Variants in PLG observed in about 807,000 individuals in gnomAD.
PLG encodes plasminogen.
In PLG, 41 loss-of-function variants were observed where a neutral mutation model predicts 104.4. The observed-to-expected ratio is 0.39, with a 90% CI of 0.31 to 0.51. The LOEUF (loss-of-function observed/expected upper bound fraction) is 0.51. Among genes scored for constraint, PLG ranks in the 20% least tolerant of loss-of-function variants. PLG has a pLI of 0.76. For synonymous variants in PLG, 337 were observed against 357.1 expected, an observed-to-expected ratio of 0.94 and a Z score of 0.63; for missense variants, 891 against 1,003.6, an observed-to-expected ratio of 0.89 and a Z score of 1.52.
In PLG at chr6:160,737,456, C is replaced by G. The variant is rs540477899; in HGVS notation, c.1802+449C>G. ...CAGATTCTTTTTCTTTGGACACTTTCGTGAATCATTGAATTCAATGCAGAG... is the reference window on the plus strand; with the variant it reads ...CAGATTCTTTTTCTTTGGACACTTTGGTGAATCATTGAATTCAATGCAGAG... On this transcript the variant is annotated intron_variant, in intron 14 of 18. Transcript: ENST00000308192. The surrounding 1 kb of genome is among the most constrained non-coding windows in gnomAD (Gnocchi z 4.7). 6.6e-5 allele frequency among the ~76,000 whole-genome samples: 10 copies of G among 152,276 alleles called. No individual in the cohort carries two copies. The highest frequency in any genetic ancestry group is 6.5e-4 in the Admixed American group (10 of 15,288).
chr6:160,716,878 A>G (rs1193845687), intron 7 of PLG, 115 bp downstream of exon 7: 21 of 764,002 alleles, frequency 2.7e-5, no homozygotes, highest in Non-Finnish European at 4.6e-5. Flanking sequence ...TACAAGTCCT[A>G]TGGGATGTTA....
Position 160,738,527 on chromosome 6 carries a change from C to T in PLG, c.1803-11C>T, listed in dbSNP as rs1778127518. 1 of 1,575,602 alleles carries T rather than the reference C, an allele frequency of 6.3e-7. No homozygotes were observed. Among genetic ancestry groups the T allele is most frequent in the East Asian group, 2.2e-5 (1 of 44,688 alleles). On this transcript the variant is annotated splice_polypyrimidine_tract_variant and intron_variant, in intron 14 of 18. Transcript: ENST00000308192. This position sits in a 1 kb window ranked among gnomAD's most constrained non-coding sequence, Gnocchi z 6.8. ...AATTTAACTAAAATTTGAACTAAAT[C>T]CTCTTTCCAGGTTTGGAATGCACTT... is the stretch of plus-strand genomic sequence containing the variant.
chr6:160,741,236 A>G lies in PLG; in HGVS notation c.2019-75A>G, dbSNP rs982131336. On this transcript the variant is annotated intron_variant, in intron 16 of 18. Transcript: ENST00000308192. The surrounding 1 kb of genome is among the most constrained non-coding windows in gnomAD (Gnocchi z 4.7). ...GTTCAGAGGGCTCTGGGGCCTCAAG[A>G]CAGGGATGACTGGTTGTGGGTACTG... 14 of 1,030,622 alleles carry G rather than the reference A, an allele frequency of 1.4e-5. No homozygotes were observed. Among genetic ancestry groups the G allele is most frequent in the South Asian group, 7.6e-5 (6 of 79,216 alleles). 63.8% of individuals were successfully genotyped at this position (1,030,622 alleles called of 1,614,324 possible). A position where few individuals can be genotyped will look rare whatever the true frequency, so the allele number is the denominator to read the frequency against.
chr6:160,748,330 G>A (rs1305943236), intron 17 of PLG, among the ~76,000 whole-genome samples: 1 of 121,086 alleles, frequency 8.3e-6, no homozygotes, highest in Non-Finnish European at 1.7e-5. Flanking sequence ...AGGAAAGAAG[G>A]AAAGAAGGAA....
intron 12 of PLG, among the ~76,000 whole-genome samples, chr6:160,733,153 G>A (rs773821014): frequency 1.3e-5 from 2 of 152,184 alleles, no homozygotes; most frequent in African/African-American, 2.4e-5. Flanking sequence ...GAACTGGGGG[G>A]CAGAGACCAA....
At chr6:160,708,800 CT>C (rs1204601978) in intron 3 of PLG, among the ~76,000 whole-genome samples, 1 of 152,038 alleles carries the variant, frequency 6.6e-6, no homozygotes, top group African/African-American at 2.4e-5. Context: ...ACTCATCTTC[CT>C]GGGTTTCATT....
chr6:160,707,354 C>A (rs969261895), intron 2 of PLG, among the ~76,000 whole-genome samples: 1 of 152,050 alleles, frequency 6.6e-6, no homozygotes, highest in African/African-American at 2.4e-5. Flanking sequence ...GTCATGGAGA[C>A]GGACTATCTT....
intron 9 of PLG, 96 bp from the exon 10 acceptor site, chr6:160,722,312 T>A: frequency 3.7e-6 from 3 of 809,818 alleles, no homozygotes; most frequent in Non-Finnish European, 6.5e-6. Context: ...ACAGTCATAA[T>A]TCTCAGAGGC....
rs897638229 is a variant in PLG at position 160,719,737 on chromosome 6, A to T, written c.1096+899A>T. ...TCACATTCCACCTTCAAATGATATC[A>T]TTCTACTTGACATATGAATCCTTAC... On this transcript the variant is annotated intron_variant, in intron 9 of 18. Transcript: ENST00000308192. This position sits in a 1 kb window ranked among gnomAD's most constrained non-coding sequence, Gnocchi z 4.1. 2.0e-5 allele frequency among the ~76,000 whole-genome samples: 3 copies of T among 152,208 alleles called. No homozygotes were observed. The highest frequency in any genetic ancestry group is 7.2e-5 in the African/African-American group (3 of 41,530).
Position 160,734,815 on chromosome 6 carries a change from C to G in PLG, c.1681+727C>G, listed in dbSNP as rs1778059657. On this transcript the variant is annotated intron_variant, in intron 13 of 18. Coordinates refer to ENST00000308192, the MANE Select transcript of PLG (RefSeq NM_000301.5). The surrounding 1 kb of genome is among the most constrained non-coding windows in gnomAD (Gnocchi z 4.4). Reference sequence around the variant, plus strand: ...CATATTTAACATTCTGCTGACCAATCAATTTGTCCTAGTTACAGAAAACCA... The same window carrying G: ...CATATTTAACATTCTGCTGACCAATGAATTTGTCCTAGTTACAGAAAACCA... 6.6e-6 allele frequency among the ~76,000 whole-genome samples: 1 copy of G among 150,814 alleles called. No individual in the cohort carries two copies. The highest frequency in any genetic ancestry group is 2.1e-4 in the South Asian group (1 of 4,770).
In PLG at chr6:160,731,909, T is replaced by C. The variant is rs376598779; in HGVS notation, c.1587+16T>C. On this transcript the variant is annotated intron_variant, in intron 12 of 18. Coordinates refer to ENST00000308192, the MANE Select transcript of PLG (RefSeq NM_000301.5). This position sits in a 1 kb window ranked among gnomAD's most constrained non-coding sequence, Gnocchi z 5.1. ...GGAAAAAAATGTAAGCCACTTTGAT[T>C]TGGACTCTTTGGCCTTTTGCTCACC... 1.3e-4 allele frequency: 203 copies of C among 1,613,526 alleles called. 1 individual carries two copies. The East Asian group carries it at 4.2e-3, about 34-fold the overall frequency.
chr6:160,749,573 TCAC>T (rs1208954971), intron 17 of PLG, among the ~76,000 whole-genome samples: 8 of 145,268 alleles, frequency 5.5e-5, no homozygotes, highest in African/African-American at 1.6e-4. Flanking sequence ...TCAACCATCA[TCAC>T]CACCATTCCA....
rs965106416 is a variant in PLG at position 160,741,853 on chromosome 6, T to C, written c.2125+436T>C. Among the ~76,000 whole-genome samples the C allele has an allele frequency of 4.6e-5, 7 of 152,156 alleles. No individual in the cohort carries two copies. Among genetic ancestry groups the C allele is most frequent in the African/African-American group, 1.7e-4 (7 of 41,442 alleles). Reference sequence around the variant, plus strand: ...GTAGGCCCCAGTGTCTGTTGCTCTCTTCTTTGTGTCCATGAGTTCTCATCA... The same window carrying C: ...GTAGGCCCCAGTGTCTGTTGCTCTCCTCTTTGTGTCCATGAGTTCTCATCA... On this transcript the variant is annotated intron_variant, in intron 17 of 18. Coordinates refer to ENST00000308192, the MANE Select transcript of PLG (RefSeq NM_000301.5). The surrounding 1 kb of genome is among the most constrained non-coding windows in gnomAD (Gnocchi z 4.7).
At chr6:160,721,305 T>G (rs1366192750) in intron 9 of PLG, among the ~76,000 whole-genome samples, 1 of 152,210 alleles carries the variant, frequency 6.6e-6, no homozygotes, top group Non-Finnish European at 1.5e-5. Context: ...ACACTAGACA[T>G]TATAAATAGA....
chr6:160,711,031 T>C (rs768274718), intron 3 of PLG, 46 bp from the exon 4 acceptor site: 3 of 1,599,584 alleles, frequency 1.9e-6, no homozygotes, highest in Non-Finnish European at 2.6e-6. Context: ...GACCTTCATG[T>C]GGTGTCTTGT....
In PLG at chr6:160,706,504, T is replaced by C. The variant is rs747516899; in HGVS notation, c.147T>C (p.Cys49=). ...KQLGAGSIEE[C]AAKCEEDEEF... is the part of the protein sequence containing the mutation. ...TGGGAGCAGGAAGTATAGAAGAATG[T>C]GCAGCAAAATGTGAGGAGGACGAAG... The change falls in exon 2 of 19, where the codon TGT becomes TGC. Residue 49 remains cysteine, a synonymous_variant. Coordinates refer to ENST00000308192, the MANE Select transcript of PLG (RefSeq NM_000301.5). 6.2e-7 allele frequency: 1 copy of C among 1,613,768 alleles called. No individual in the cohort carries two copies. Among genetic ancestry groups the C allele is most frequent in the African/African-American group, 1.3e-5 (1 of 74,908 alleles).
intron 2 of PLG, among the ~76,000 whole-genome samples, chr6:160,707,281 T>G (rs996721773): frequency 6.6e-6 from 1 of 151,646 alleles, no homozygotes; most frequent in Non-Finnish European, 1.5e-5. Context: ...ATGGGAGGGG[T>G]CAGGGGCCAG....
intron 12 of PLG, among the ~76,000 whole-genome samples, chr6:160,733,424 C>G (rs911319545): frequency 1.3e-5 from 2 of 152,080 alleles, no homozygotes; most frequent in Non-Finnish European, 2.9e-5. Flanking sequence ...CAAAGACCCC[C>G]GAGGGTCACC....
chr6:160,730,791 T>G, intron 10 of PLG: 3 of 370,376 alleles, frequency 8.1e-6, no homozygotes, highest in Non-Finnish European at 1.5e-5. Context: ...TTTATTTACA[T>G]GTTTATGTAT....
Sources: allele counts gnomAD v4.1 joint callset (sites outside exome capture counted in the v4.1 genomes callset), GRCh38; gene constraint gnomAD v4.1.1; non-coding constraint Gnocchi (gnomAD v3.1); transcripts MANE v1.5; gene names NCBI Gene and HGNC (gene_info 2026-07-23, HGNC 2026-07-21).